RYK: variants seen among roughly 807,000 people sequenced by gnomAD.
RYK encodes receptor like tyrosine kinase.
RYK carries 21 observed loss-of-function variants against 70.2 expected under a neutral mutation model. That is an observed-to-expected ratio of 0.30 (90% CI 0.21 to 0.43). RYK has a LOEUF of 0.43. Ranked by LOEUF, RYK falls within the 20% of genes least tolerant of loss-of-function variation. The pLI is 1.00. For synonymous variants in RYK, 267 were observed against 278.0 expected (o/e 0.96, Z 0.39); for missense variants, 604 against 753.3 (o/e 0.80, Z 2.32).
At chr3:134,203,523 T>C (rs1388240015) in intron 5 of RYK, among the ~76,000 whole-genome samples, 1 of 152,126 alleles carries the variant, frequency 6.6e-6, no homozygotes, top group Non-Finnish European at 1.5e-5. Context: ...GGTTTCTGAT[T>C]AATACAAAAG....
chr3:134,243,965 G>T (rs796585427), intron 1 of RYK, among the ~76,000 whole-genome samples: 28 of 152,222 alleles, frequency 1.8e-4, no homozygotes, highest in African/African-American at 5.8e-4. Flanking sequence ...ATGGTACTTG[G>T]TTTAGCTTCA....
chr3:134,159,201 A>T (rs2012363626), intron 14 of RYK, 36 bp downstream of exon 14: 2 of 1,608,712 alleles, frequency 1.2e-6, no homozygotes, highest in East Asian at 4.5e-5. Context: ...TAGTAAATGG[A>T]ATAAAACTCA....
chr3:134,173,522 C>G (rs1209305625), intron 13 of RYK, among the ~76,000 whole-genome samples: 1 of 152,176 alleles, frequency 6.6e-6, no homozygotes, highest in African/African-American at 2.4e-5. Flanking sequence ...AAAGAAGAAG[C>G]AGGCACCTTC....
intron 13 of RYK, among the ~76,000 whole-genome samples, chr3:134,171,684 C>T (rs1157765048): frequency 2.0e-4 from 31 of 152,016 alleles, no homozygotes; most frequent in Non-Finnish European, 1.2e-4. Context: ...CTGGGCAACA[C>T]AGCAAGCCTC....
intron 1 of RYK, among the ~76,000 whole-genome samples, chr3:134,238,478 C>A (rs912715893): frequency 1.3e-5 from 2 of 152,196 alleles, no homozygotes; most frequent in African/African-American, 4.8e-5. Context: ...GTCCTTCAGA[C>A]TGCCTTCTTT....
chr3:134,226,635 T>A (rs1340302526), intron 1 of RYK, among the ~76,000 whole-genome samples: 1 of 152,076 alleles, frequency 6.6e-6, no homozygotes, highest in South Asian at 2.1e-4. Context: ...CATAAAAGGA[T>A]TAACACATCA....
At position 134,249,917 on chromosome 3, in the gene RYK, G is replaced by GTTTTTTTT. The variant is rs71624038; in HGVS notation, c.232+498_232+505dup. On this transcript the variant is annotated intron_variant, in intron 1 of 14. Transcript: ENST00000623711. The stretch of plus-strand genomic sequence containing the variant: ...TATAACCTCCCCTTCTTTCTCTCTC[G>GTTTTTTTT]TTTTTTTTTTTTTTTTTTTTTTTTT... 7.0e-4 allele frequency among the ~76,000 whole-genome samples: 65 copies of GTTTTTTTT among 93,336 alleles called. 9 individuals carry two copies. The highest frequency in any genetic ancestry group is 3.4e-3 in the African/African-American group (64 of 18,904). 61.2% of individuals were successfully genotyped at this position (93,336 alleles called of 152,430 possible).
chr3:134,182,208 T>C (rs2013319249), intron 10 of RYK, among the ~76,000 whole-genome samples: 1 of 151,972 alleles, frequency 6.6e-6, no homozygotes, highest in Non-Finnish European at 1.5e-5. Flanking sequence ...TTAAAAATCA[T>C]GCTATGGCAT....
rs552850323 is a variant in RYK at position 134,189,671 on chromosome 3, A to T, written c.1016-748T>A. 3.1e-3 allele frequency among the ~76,000 whole-genome samples: 425 copies of T among 137,868 alleles called. 1 individual carries two copies. Among genetic ancestry groups the T allele is most frequent in the African/African-American group, 0.011 (397 of 37,316 alleles). The allele number at this position is 137,868 out of a possible 152,430, so 90.4% of individuals were successfully genotyped here. A position where few individuals can be genotyped will look rare whatever the true frequency, so the allele number is the denominator to read the frequency against. ...GGCAGGAGAACAGCATGAACCCGGG[A>T]GGTGGAGCCTGCAGTGAGCCAAGAT... On this transcript the variant is annotated intron_variant, in intron 8 of 14. Coordinates refer to ENST00000623711, the MANE Select transcript of RYK (RefSeq NM_002958.4).
chr3:134,212,406 C>T (rs1310822937), intron 2 of RYK, among the ~76,000 whole-genome samples: 1 of 152,176 alleles, frequency 6.6e-6, no homozygotes, highest in Non-Finnish European at 1.5e-5. Flanking sequence ...TTCAATGAAG[C>T]CCTACAGTTC....
At chr3:134,182,957 T>C in intron 10 of RYK, 45 bp downstream of exon 10, 1 of 1,232,116 alleles carries the variant, frequency 8.1e-7, no homozygotes, top group Non-Finnish European at 1.1e-6. Context: ...TGGCATCAAG[T>C]GTTGCCATGC....
In RYK at chr3:134,231,990, A is replaced by C. The variant is rs573152000; in HGVS notation, c.233-9451T>G. On this transcript the variant is annotated intron_variant, in intron 1 of 14. Coordinates refer to ENST00000623711, the MANE Select transcript of RYK (RefSeq NM_002958.4). ...CCTTCAATGTCTCTTTTATTCCTCA[A>C]CTCCAACAATCTTCATCCATACCAA... 5.3e-5 allele frequency among the ~76,000 whole-genome samples: 8 copies of C among 151,952 alleles called. No homozygotes were observed. The East Asian group carries it at 1.4e-3, about 26-fold the overall frequency.
chr3:134,191,873 T>A lies in RYK; in HGVS notation c.991A>T (p.Thr331Ser). The A allele has an allele frequency of 6.2e-7, 1 of 1,611,358 alleles. No individual in the cohort carries two copies. The highest frequency in any genetic ancestry group is 2.2e-5 in the East Asian group (1 of 44,786). The change falls in exon 8 of 15, where the codon ACT (threonine) becomes TCT (serine). Residue 331 changes from threonine to serine, a missense_variant. Transcript: ENST00000623711. ...KDIAISRERI[T>S]LKDVLQEGTF... ...CCTTCTTGGAGTACATCTTTTAGAG[T>A]TATCCTCTCTCTGGATATTGCTATA...
chr3:134,169,437 C>T (rs1001063417), intron 13 of RYK, among the ~76,000 whole-genome samples: 1 of 152,128 alleles, frequency 6.6e-6, no homozygotes, highest in Non-Finnish European at 1.5e-5. Context: ...GTATCCACAT[C>T]TGATGAAAAC....
chr3:134,245,574 G>C (rs138082536), intron 1 of RYK, among the ~76,000 whole-genome samples: 1 of 152,056 alleles, frequency 6.6e-6, no homozygotes, highest in African/African-American at 2.4e-5. Flanking sequence ...TAGACAAGGG[G>C]GGAGCCACCG....
At chr3:134,182,321 T>C (rs185617135) in intron 10 of RYK, among the ~76,000 whole-genome samples, 5 of 152,286 alleles carry the variant, frequency 3.3e-5, no homozygotes, top group African/African-American at 1.2e-4. Context: ...CAGTTGCCAA[T>C]ATCAAAAGTC....
chr3:134,209,016 T>C (rs1276147515), intron 4 of RYK, among the ~76,000 whole-genome samples: 1 of 152,082 alleles, frequency 6.6e-6, no homozygotes, highest in Admixed American at 6.6e-5. Context: ...AGTGAGTGGG[T>C]TGGACTAAAC....
At chr3:134,237,172 G>A (rs1045816779) in intron 1 of RYK, among the ~76,000 whole-genome samples, 6 of 152,084 alleles carry the variant, frequency 3.9e-5, no homozygotes, top group Non-Finnish European at 7.4e-5. Context: ...CACATGAACT[G>A]GCCTAACTCA....
chr3:134,226,937 T>C (rs2014925986), intron 1 of RYK, among the ~76,000 whole-genome samples: 1 of 152,138 alleles, frequency 6.6e-6, no homozygotes, highest in Non-Finnish European at 1.5e-5. Flanking sequence ...CCATTCAACC[T>C]TGTACCGGAG....
Sources: gnomAD v4.1 joint callset for allele counts (sites outside exome capture counted in the v4.1 genomes callset) on GRCh38, gnomAD v4.1.1 for gene constraint, MANE v1.5 for transcripts, NCBI Gene and HGNC (gene_info 2026-07-23, HGNC 2026-07-21) for gene names.